TAOK3: variants seen among roughly 807,000 people sequenced by gnomAD.
The protein encoded by TAOK3 is serine/threonine-protein kinase TAO3.
Under a neutral mutation model 120.4 loss-of-function variants are expected in TAOK3, and 40 were observed. The ratio of observed to expected loss-of-function variants is 0.33; its 90% CI spans 0.26 to 0.43. TAOK3 has a LOEUF of 0.43. TAOK3 is among the 20% of genes least tolerant of loss of function. The pLI is 1.00. For synonymous variants in TAOK3, 355 were observed against 387.5 expected, an observed-to-expected ratio of 0.92 and a Z score of 0.99; for missense variants, 821 against 1,112.1, an observed-to-expected ratio of 0.74 and a Z score of 3.72.
At position 118,180,772 on chromosome 12, in the gene TAOK3, T is replaced by C. The variant is rs536547729; in HGVS notation, c.1566+599A>G. On this transcript the variant is annotated intron_variant, in intron 15 of 20. Transcript: ENST00000392533. ...TTTTGTTGTGCACGTTCTCAGAAGA[T>C]GGAAGCATCTTGTTTCCCTTTACTT... Among the ~76,000 whole-genome samples, 17 of 152,252 alleles carry C rather than the reference T, an allele frequency of 1.1e-4. No individual in the cohort carries two copies. In the South Asian group the frequency reaches 1.4e-3, roughly 13 times the overall value.
intron 1 of TAOK3, among the ~76,000 whole-genome samples, chr12:118,304,786 T>C (rs2042991019): frequency 6.6e-6 from 1 of 152,248 alleles, no homozygotes; most frequent in African/African-American, 2.4e-5. Flanking sequence ...ATTGTGCTTA[T>C]AGGGATGCCA....
intron 9 of TAOK3, among the ~76,000 whole-genome samples, chr12:118,217,253 C>T (rs2038952380): frequency 6.6e-6 from 1 of 152,108 alleles, no homozygotes; most frequent in African/African-American, 2.4e-5. Context: ...AAACAAGAAA[C>T]CAGAATGGAC....
chr12:118,333,901 C>T (rs948162441), intron 1 of TAOK3, among the ~76,000 whole-genome samples: 3 of 151,050 alleles, frequency 2.0e-5, no homozygotes, highest in Non-Finnish European at 3.0e-5. Context: ...TTTGGGAGGC[C>T]GAGGCGGGCA....
chr12:118,293,898 C>T (rs2042578462), intron 1 of TAOK3, among the ~76,000 whole-genome samples: 1 of 148,540 alleles, frequency 6.7e-6, no homozygotes, highest in African/African-American at 2.5e-5. Flanking sequence ...GCCTGTAATC[C>T]CAGCTACTCA....
chr12:118,319,285 C>A (rs2043600871), intron 1 of TAOK3, among the ~76,000 whole-genome samples: 1 of 151,972 alleles, frequency 6.6e-6, no homozygotes, highest in Non-Finnish European at 1.5e-5. Context: ...ACACCAAAAG[C>A]TTTTACAGGA....
chr12:118,304,977 G>T (rs2042998597), intron 1 of TAOK3, among the ~76,000 whole-genome samples: 1 of 152,036 alleles, frequency 6.6e-6, no homozygotes, highest in Admixed American at 6.6e-5. Context: ...TAAGAACACG[G>T]GTTATGATTA....
At position 118,199,271 on chromosome 12, in the gene TAOK3, G is replaced by A. The variant is rs570362352; in HGVS notation, c.988-14C>T. On this transcript the variant is annotated splice_polypyrimidine_tract_variant and intron_variant, in intron 12 of 20. Coordinates refer to ENST00000392533, the MANE Select transcript of TAOK3 (RefSeq NM_016281.4). ...ATGTTCACTGTCCTGTAAAAATGGG[G>A]CACTGAGGTTAGAAAAAAAGACTGA... 3.8e-6 allele frequency: 6 copies of A among 1,591,240 alleles called. No individual in the cohort carries two copies. In the African/African-American group the frequency reaches 4.0e-5, roughly 11 times the overall value.
intron 1 of TAOK3, among the ~76,000 whole-genome samples, chr12:118,333,999 G>A (rs2044257092): frequency 5.3e-5 from 8 of 151,776 alleles, no homozygotes; most frequent in Admixed American, 5.2e-4. Context: ...GCCAGGCGTG[G>A]TGGTGCATGC....
intron 20 of TAOK3, among the ~76,000 whole-genome samples, chr12:118,151,805 A>G (rs1442876772): frequency 1.3e-5 from 2 of 152,114 alleles, no homozygotes; most frequent in South Asian, 4.1e-4. Flanking sequence ...TCATCATTTT[A>G]ATTTTTTTTT....
At chr12:118,285,583 C>T (rs2042239579) in intron 1 of TAOK3, among the ~76,000 whole-genome samples, 1 of 152,068 alleles carries the variant, frequency 6.6e-6, no homozygotes, top group South Asian at 2.1e-4. Context: ...GAACTCCTGA[C>T]CTCAGGTGAT....
chr12:118,206,990 T>C (rs2038353926), intron 11 of TAOK3, among the ~76,000 whole-genome samples: 1 of 152,040 alleles, frequency 6.6e-6, no homozygotes, highest in South Asian at 2.1e-4. Context: ...TTCTCAAAAA[T>C]ATGTTTACTT....
At chr12:118,234,564 TGA>T (rs1330492049) in intron 8 of TAOK3, among the ~76,000 whole-genome samples, 1 of 152,038 alleles carries the variant, frequency 6.6e-6, no homozygotes, top group Non-Finnish European at 1.5e-5. Context: ...TTGTTGTTGT[TGA>T]GAGTCTTACT....
intron 16 of TAOK3, among the ~76,000 whole-genome samples, chr12:118,175,484 G>C (rs1426611710): frequency 6.6e-6 from 1 of 152,012 alleles, no homozygotes; most frequent in African/African-American, 2.4e-5. Flanking sequence ...AAAATTAGCT[G>C]GGCATGGTGG....
At chr12:118,283,837 T>C (rs1217278373) in intron 1 of TAOK3, 1 of 161,342 alleles carries the variant, frequency 6.2e-6, no homozygotes, top group Non-Finnish European at 1.4e-5. Flanking sequence ...GGAAATGGCA[T>C]GTTACTTAAA....
chr12:118,202,773 C>CTTTTTTTT (rs58282262), intron 11 of TAOK3, among the ~76,000 whole-genome samples: 16 of 100,644 alleles, frequency 1.6e-4, no homozygotes, highest in East Asian at 1.3e-3. Context: ...ATAGTCTATT[C>CTTTTTTTT]TTTTTTTTTT....
At chr12:118,240,535 G>A (rs375390781) in intron 5 of TAOK3, among the ~76,000 whole-genome samples, 5 of 151,082 alleles carry the variant, frequency 3.3e-5, no homozygotes, top group Admixed American at 2.7e-4. Context: ...TAGTAGGGAC[G>A]GGGTTTCACC....
intron 11 of TAOK3, among the ~76,000 whole-genome samples, chr12:118,212,500 C>G (rs1479973965): frequency 6.6e-6 from 1 of 152,162 alleles, no homozygotes; most frequent in African/African-American, 2.4e-5. Context: ...ACCTTCACTG[C>G]CTGAGGATTT....
At chr12:118,304,356 A>G (rs1287594269) in intron 1 of TAOK3, among the ~76,000 whole-genome samples, 1 of 152,230 alleles carries the variant, frequency 6.6e-6, no homozygotes, top group African/African-American at 2.4e-5. Flanking sequence ...CAAAGGTCTC[A>G]GGGAAGAGAC....
intron 1 of TAOK3, among the ~76,000 whole-genome samples, chr12:118,324,124 A>G (rs1646298425): frequency 6.6e-6 from 1 of 152,198 alleles, no homozygotes. Context: ...AAGAAAGCCA[A>G]TTTCTCATCT....
Sources: allele counts gnomAD v4.1 joint callset (sites outside exome capture counted in the v4.1 genomes callset), GRCh38; gene constraint gnomAD v4.1.1; transcripts MANE v1.5; gene names NCBI Gene and HGNC (gene_info 2026-07-23, HGNC 2026-07-21).